SNCAIP: variants seen among roughly 807,000 people sequenced by gnomAD.
SNCAIP encodes synuclein alpha interacting protein, also known as synphilin-1.
In SNCAIP, 43 loss-of-function variants were observed where a neutral mutation model predicts 86.7. The ratio of observed to expected loss-of-function variants is 0.50; its 90% CI spans 0.39 to 0.64. SNCAIP has a LOEUF of 0.64. Ranked by LOEUF, SNCAIP falls within the 30% of genes least tolerant of loss-of-function variation. The pLI is 0.00. For synonymous variants in SNCAIP, 417 were observed against 427.2 expected (o/e 0.98, Z 0.29); for missense variants, 981 against 1,103.1 (o/e 0.89, Z 1.57).
At chr5:122,335,488 G>C (rs1214903718) in intron 1 of SNCAIP, among the ~76,000 whole-genome samples, 5 of 152,174 alleles carry the variant, frequency 3.3e-5, no homozygotes, top group African/African-American at 9.7e-5. Flanking sequence ...TGACAGTAAA[G>C]GGAGCCTGAC....
At chr5:122,330,460 A>G (rs1249357538) in intron 1 of SNCAIP, among the ~76,000 whole-genome samples, 4 of 152,184 alleles carry the variant, frequency 2.6e-5, no homozygotes, top group Non-Finnish European at 4.4e-5. Context: ...CAGTTACAGC[A>G]TTTGTATTTC....
At chr5:122,413,977 A>G (rs1289744262) in intron 3 of SNCAIP, among the ~76,000 whole-genome samples, 1 of 152,174 alleles carries the variant, frequency 6.6e-6, no homozygotes, top group Non-Finnish European at 1.5e-5. Flanking sequence ...TGGTACAATC[A>G]TAGCTCACCA....
chr5:122,431,925 G>T, intron 5 of SNCAIP, 44 bp from the exon 6 acceptor site: 1 of 943,518 alleles, frequency 1.1e-6, no homozygotes, highest in Non-Finnish European at 1.7e-6. Context: ...TTTCAAACCT[G>T]AGTTACCTTG....
chr5:122,316,483 A>T (rs1282109987), intron 1 of SNCAIP, among the ~76,000 whole-genome samples: 1 of 152,172 alleles, frequency 6.6e-6, no homozygotes, highest in Non-Finnish European at 1.5e-5. Context: ...AAGACCAACA[A>T]ATGCTCACCA....
chr5:122,433,442 T>C (rs1778806591), intron 6 of SNCAIP, among the ~76,000 whole-genome samples: 1 of 152,182 alleles, frequency 6.6e-6, no homozygotes, highest in African/African-American at 2.4e-5. Flanking sequence ...CCCATTTGTA[T>C]AGAAAATGTA....
chr5:122,400,134 G>C (rs1771480127), intron 2 of SNCAIP, among the ~76,000 whole-genome samples: 1 of 151,838 alleles, frequency 6.6e-6, no homozygotes, highest in African/African-American at 2.4e-5. Context: ...TAAAGGTATA[G>C]ACAGGCAAAA....
chr5:122,341,379 AGT>A (rs1213914177), intron 1 of SNCAIP, among the ~76,000 whole-genome samples: 1 of 152,358 alleles, frequency 6.6e-6, no homozygotes, highest in African/African-American at 2.4e-5. Context: ...AAAAATCGGA[AGT>A]GCACACTCTG....
rs1776760785 is a variant in SNCAIP, at chr5:122,423,315, C to G, written c.578C>G (p.Ser193Cys). The change falls in exon 4 of 11, where the codon TCT (serine) becomes TGT (cysteine). Residue 193 changes from serine to cysteine, a missense_variant. Coordinates refer to ENST00000261368, the MANE Select transcript of SNCAIP (RefSeq NM_005460.4). ...TINGLSGKACSTGSSESSSSN... is the reference protein window; with the variant it reads ...TINGLSGKACCTGSSESSSSN... ...AATGGCCTTTCTGGCAAAGCCTGCT[C>G]TACAGGAAGTTCTGAGAGCTCATCA... The G allele has an allele frequency of 6.2e-7, 1 of 1,614,174 alleles. No individual in the cohort carries two copies. The highest frequency in any genetic ancestry group is 2.2e-5 in the East Asian group (1 of 44,878).
chr5:122,365,110 G>T (rs936193522), intron 1 of SNCAIP, among the ~76,000 whole-genome samples: 8 of 151,560 alleles, frequency 5.3e-5, no homozygotes, highest in Admixed American at 3.3e-4. Flanking sequence ...CCCATGCCCC[G>T]ACCCCTATTT....
intron 1 of SNCAIP, among the ~76,000 whole-genome samples, chr5:122,388,385 A>G (rs1444003015): frequency 2.0e-5 from 3 of 151,984 alleles, no homozygotes; most frequent in African/African-American, 4.8e-5. Context: ...CATGTTTGCC[A>G]TGGGTCTGAA....
At chr5:122,337,935 G>A (rs990757608) in intron 1 of SNCAIP, among the ~76,000 whole-genome samples, 1 of 152,178 alleles carries the variant, frequency 6.6e-6, no homozygotes, top group Admixed American at 6.5e-5. Context: ...CAGAAAATTC[G>A]AGAGGACTTT....
At chr5:122,316,700 T>C (rs1031769954) in intron 1 of SNCAIP, among the ~76,000 whole-genome samples, 9 of 152,186 alleles carry the variant, frequency 5.9e-5, no homozygotes, top group African/African-American at 2.2e-4. Flanking sequence ...TTAACGTTAA[T>C]GGATGTTTAA....
intron 6 of SNCAIP, among the ~76,000 whole-genome samples, chr5:122,440,018 A>T (rs115673039): frequency 0.012 from 1,812 of 152,290 alleles, 40 homozygotes; most frequent in African/African-American, 0.041. Context: ...ACCTTAAGAC[A>T]CCACCAACAC....
chr5:122,366,204 T>C (rs56142133), intron 1 of SNCAIP, among the ~76,000 whole-genome samples: 23,738 of 152,000 alleles, frequency 0.16, 2,343 homozygotes, highest in South Asian at 0.26. Flanking sequence ...AGCCACCAGC[T>C]CCCCTAGGGC....
intron 8 of SNCAIP, among the ~76,000 whole-genome samples, chr5:122,446,726 G>A (rs1782393351): frequency 6.6e-6 from 1 of 152,180 alleles, no homozygotes; most frequent in African/African-American, 2.4e-5. Flanking sequence ...ACAGTACACT[G>A]TGCCCTTCAG....
chr5:122,442,045 A>C (rs1781057274), intron 7 of SNCAIP, among the ~76,000 whole-genome samples: 1 of 151,664 alleles, frequency 6.6e-6, no homozygotes, highest in Admixed American at 6.6e-5. Flanking sequence ...CATCAAGTTC[A>C]TACGGTTCAA....
At chr5:122,413,704 C>T (rs1295945492) in intron 3 of SNCAIP, among the ~76,000 whole-genome samples, 1 of 151,762 alleles carries the variant, frequency 6.6e-6, no homozygotes, top group Non-Finnish European at 1.5e-5. Context: ...ACACTCTGAC[C>T]ATGCTTTGTA....
At chr5:122,419,819 A>T (rs1157491014) in intron 3 of SNCAIP, among the ~76,000 whole-genome samples, 2 of 152,244 alleles carry the variant, frequency 1.3e-5, no homozygotes. Flanking sequence ...GCAATAAAAT[A>T]AAAGTATGAG....
At chr5:122,348,777 A>G (rs889191266) in intron 1 of SNCAIP, among the ~76,000 whole-genome samples, 5 of 152,180 alleles carry the variant, frequency 3.3e-5, no homozygotes, top group Non-Finnish European at 7.4e-5. Context: ...GAACTATGTC[A>G]GAATCAAAAG....
Sources: gnomAD v4.1 joint callset for allele counts (sites outside exome capture counted in the v4.1 genomes callset) on GRCh38, gnomAD v4.1.1 for gene constraint, MANE v1.5 for transcripts, NCBI Gene and HGNC (gene_info 2026-07-23, HGNC 2026-07-21) for gene names.